The following ATP8A2 variants were observed in gnomAD, a reference collection of about 807,000 sequenced individuals.
ATP8A2 encodes ATPase phospholipid transporting 8A2, also known as phospholipid-transporting ATPase IB.
A neutral mutation model predicts 165.6 loss-of-function variants in ATP8A2; 100 were observed. The ratio of observed to expected loss-of-function variants is 0.60; its 90% CI spans 0.51 to 0.71. The LOEUF (loss-of-function observed/expected upper bound fraction) is 0.71. ATP8A2 is among the 30% of genes least tolerant of loss of function. ATP8A2 has a pLI of 0.00. For synonymous variants in ATP8A2, 543 were observed against 548.8 expected, an observed-to-expected ratio of 0.99 and a Z score of 0.15; for missense variants, 1,227 against 1,479.5, an observed-to-expected ratio of 0.83 and a Z score of 2.80.
intron 24 of ATP8A2, among the ~76,000 whole-genome samples, chr13:25,647,004 A>G (rs1175896733): frequency 6.6e-6 from 1 of 152,228 alleles, no homozygotes; most frequent in Non-Finnish European, 1.5e-5. Context: ...ATGCAACAAC[A>G]CTACACTTCT....
At chr13:25,647,462 A>G (rs1466211189) in intron 24 of ATP8A2, among the ~76,000 whole-genome samples, 2 of 152,146 alleles carry the variant, frequency 1.3e-5, no homozygotes, top group Non-Finnish European at 2.9e-5. Flanking sequence ...ATTTGCCAAG[A>G]TAGTCATATT....
chr13:25,672,880 A>C lies in ATP8A2; in HGVS notation c.2212-26293A>C, dbSNP rs1044095047. 7.2e-5 allele frequency among the ~76,000 whole-genome samples: 11 copies of C among 152,316 alleles called. 2 individuals are homozygous for C. The highest frequency in any genetic ancestry group is 7.2e-4 in the Admixed American group (11 of 15,294). ...GAAGAGACTGGGTCACAGAGGAAGA[A>C]GGAGGCAATTACAGAGTGGGAGTGG... On this transcript the variant is annotated intron_variant, in intron 24 of 36. Transcript: ENST00000381655.
At chr13:25,726,243 G>A (rs1422062056) in intron 25 of ATP8A2, among the ~76,000 whole-genome samples, 2 of 152,174 alleles carry the variant, frequency 1.3e-5, no homozygotes, top group Non-Finnish European at 2.9e-5. Flanking sequence ...AGTAAAGTGT[G>A]GCTATAGCTA....
intron 33 of ATP8A2, among the ~76,000 whole-genome samples, chr13:25,916,880 T>A (rs1038131327): frequency 1.5e-4 from 23 of 152,326 alleles, no homozygotes; most frequent in Admixed American, 5.9e-4. Context: ...TTTTTCTATA[T>A]ACCTCTTCTT....
chr13:25,707,273 T>C (rs957263178), intron 25 of ATP8A2, among the ~76,000 whole-genome samples: 2 of 152,166 alleles, frequency 1.3e-5, no homozygotes, highest in African/African-American at 4.8e-5. Context: ...TGATAGCACA[T>C]TTAGAAATGG....
intron 33 of ATP8A2, among the ~76,000 whole-genome samples, chr13:25,913,858 C>T (rs953760565): frequency 1.1e-4 from 17 of 152,170 alleles, no homozygotes; most frequent in African/African-American, 4.1e-4. Flanking sequence ...AGGAGGGCTT[C>T]TAGCTGACCA....
chr13:26,007,457 G>T (rs930271128), intron 35 of ATP8A2, among the ~76,000 whole-genome samples: 2 of 152,148 alleles, frequency 1.3e-5, no homozygotes, highest in Non-Finnish European at 2.9e-5. Context: ...TTCAGAAAAG[G>T]TTGTTCCTAA....
intron 24 of ATP8A2, among the ~76,000 whole-genome samples, chr13:25,681,957 C>A (rs962240824): frequency 6.6e-6 from 1 of 152,116 alleles, no homozygotes; most frequent in Admixed American, 6.5e-5. Context: ...GGGTCCCCGT[C>A]GAGTGACGGC....
chr13:25,955,494 A>G (rs549555824), intron 33 of ATP8A2, among the ~76,000 whole-genome samples: 1 of 152,350 alleles, frequency 6.6e-6, no homozygotes, highest in African/African-American at 2.4e-5. Flanking sequence ...AATACTATAA[A>G]CACCTCTATG....
intron 27 of ATP8A2, among the ~76,000 whole-genome samples, chr13:25,785,343 T>A (rs1167836301): frequency 6.6e-6 from 1 of 151,982 alleles, no homozygotes; most frequent in Non-Finnish European, 1.5e-5. Flanking sequence ...GAGGCTGCAA[T>A]AAGCTGAGAG....
At chr13:25,859,421 G>A (rs955577310) in intron 30 of ATP8A2, among the ~76,000 whole-genome samples, 11 of 152,102 alleles carry the variant, frequency 7.2e-5, no homozygotes, top group African/African-American at 2.7e-4. Flanking sequence ...GTCATCCAAG[G>A]AAACTAAGCC....
intron 26 of ATP8A2, among the ~76,000 whole-genome samples, chr13:25,772,450 C>T (rs947737344): frequency 6.6e-6 from 1 of 151,952 alleles, no homozygotes; most frequent in African/African-American, 2.4e-5. Context: ...TTTCCCATTC[C>T]CCTTTGGAAT....
At chr13:25,799,447 A>C (rs1472255934) in intron 27 of ATP8A2, among the ~76,000 whole-genome samples, 4 of 152,038 alleles carry the variant, frequency 2.6e-5, no homozygotes, top group Non-Finnish European at 5.9e-5. Flanking sequence ...CATATTTTTA[A>C]CTCCTTTGGT....
At chr13:25,407,847 C>T (rs1310085364) in intron 1 of ATP8A2, among the ~76,000 whole-genome samples, 4 of 152,168 alleles carry the variant, frequency 2.6e-5, no homozygotes, top group African/African-American at 9.7e-5. Flanking sequence ...AATCAGCAAA[C>T]ATGCCTTGGA....
intron 18 of ATP8A2, among the ~76,000 whole-genome samples, chr13:25,573,330 G>A (rs2039520964): frequency 7.2e-6 from 1 of 138,568 alleles, no homozygotes; most frequent in Admixed American, 7.4e-5. Flanking sequence ...AACCTAGAGA[G>A]CCTATTGGTG....
chr13:25,916,506 C>T (rs181400346), intron 33 of ATP8A2, among the ~76,000 whole-genome samples: 63 of 152,336 alleles, frequency 4.1e-4, no homozygotes, highest in Non-Finnish European at 7.9e-4. Flanking sequence ...TTTAGCCTCA[C>T]CCTTCTGTCA....
At chr13:25,616,508 T>G (rs1417824261) in intron 24 of ATP8A2, among the ~76,000 whole-genome samples, 1 of 151,876 alleles carries the variant, frequency 6.6e-6, no homozygotes, top group African/African-American at 2.4e-5. Context: ...ATTTTGTTAT[T>G]TTTAGTAGAA....
intron 2 of ATP8A2, among the ~76,000 whole-genome samples, chr13:25,469,775 G>A (rs2035791282): frequency 6.6e-6 from 1 of 152,154 alleles, no homozygotes; most frequent in South Asian, 2.1e-4. Context: ...TGTACCTATA[G>A]TCATACAGCT....
At chr13:25,585,161 A>G (rs181886547) in intron 23 of ATP8A2, among the ~76,000 whole-genome samples, 2 of 152,298 alleles carry the variant, frequency 1.3e-5, no homozygotes, top group Admixed American at 6.5e-5. Context: ...GTAGTTTGAA[A>G]TTGGCATGTT....
Sources: allele counts gnomAD v4.1 joint callset (sites outside exome capture counted in the v4.1 genomes callset), GRCh38; gene constraint gnomAD v4.1.1; transcripts MANE v1.5; gene names NCBI Gene and HGNC (gene_info 2026-07-23, HGNC 2026-07-21).